CCNJL: variants seen among roughly 807,000 people sequenced by gnomAD.
CCNJL encodes the protein cyclin-J-like protein.
Under a neutral mutation model 33.4 loss-of-function variants are expected in CCNJL, and 33 were observed. The observed-to-expected ratio is 0.99, with a 90% CI of 0.75 to 1.32. The LOEUF (loss-of-function observed/expected upper bound fraction) is 1.32. Ranked by LOEUF, CCNJL falls within the 40% of genes most tolerant of loss-of-function variation. The pLI is 0.00. For missense variants in CCNJL, 512 were observed against 499.7 expected (o/e 1.02, Z -0.23); for synonymous variants, 227 against 220.9 (o/e 1.03, Z -0.24).
chr5:160,280,398 C>T (rs560054250), intron 3 of CCNJL, 127 bp downstream of exon 3: 110 of 750,898 alleles, frequency 1.5e-4, no homozygotes, highest in Non-Finnish European at 2.4e-4. Flanking sequence ...CTAAAAAACG[C>T]TCAGTGAAGG....
chr5:160,289,916 C>T (rs889709592), intron 2 of CCNJL, among the ~76,000 whole-genome samples: 2 of 152,176 alleles, frequency 1.3e-5, no homozygotes, highest in African/African-American at 4.8e-5. Flanking sequence ...CACTCAAGAC[C>T]CTGGGCCCAC....
At chr5:160,316,662 G>T (rs185902403), upstream of CCNJL, among the ~76,000 whole-genome samples, 16 of 152,314 alleles carry the variant, frequency 1.1e-4, no homozygotes, top group Non-Finnish European at 1.5e-4. Flanking sequence ...GCATTCACCA[G>T]TGTAGACATT....
At chr5:160,292,317 T>C (rs1240134279) in intron 2 of CCNJL, among the ~76,000 whole-genome samples, 1 of 152,202 alleles carries the variant, frequency 6.6e-6, no homozygotes, top group Non-Finnish European at 1.5e-5. Context: ...CAGATAGATA[T>C]ACATTAAAAA....
chr5:160,312,634 C>T (rs1271317991), upstream of CCNJL: 2 of 151,646 alleles, frequency 1.3e-5, no homozygotes, highest in East Asian at 1.9e-4. Flanking sequence ...CTGCCGGCGC[C>T]CCCGCGCCCC....
Position 160,252,192 on chromosome 5 carries a change from A to C in CCNJL, c.*1186T>G, listed in dbSNP as rs17057564. 0.015 allele frequency: 2,312 copies of C among 152,804 alleles called. 61 individuals are homozygous for C. Among genetic ancestry groups the C allele is most frequent in the East Asian group, 0.13 (659 of 5,190 alleles). The allele number at this position is 152,804 out of a possible 1,614,324, so 9.5% of individuals were successfully genotyped here. On this transcript the variant is annotated 3_prime_UTR_variant, in exon 6 of 6. Coordinates refer to ENST00000257536, the MANE Select transcript of CCNJL (RefSeq NM_001308173.3). ...GAATAAAAACATATTGCACATGGTTACAAGAGTCTTCCTGAGGGCCCTCTC... is the reference window on the plus strand; with the variant it reads ...GAATAAAAACATATTGCACATGGTTCCAAGAGTCTTCCTGAGGGCCCTCTC...
At chr5:160,301,187 G>C (rs1010447112) in intron 2 of CCNJL, among the ~76,000 whole-genome samples, 1 of 152,070 alleles carries the variant, frequency 6.6e-6, no homozygotes, top group African/African-American at 2.4e-5. Context: ...GACATAAAAC[G>C]GAATACTAAT....
intron 1 of CCNJL, among the ~76,000 whole-genome samples, chr5:160,318,261 C>T (rs1487539365): frequency 2.0e-5 from 3 of 152,174 alleles, no homozygotes; most frequent in African/African-American, 7.2e-5. Context: ...AGGTGATCTA[C>T]CCACCTTGGC....
At chr5:160,321,012 CTCTTTCTTTCTT>C (rs59309263) in intron 1 of CCNJL, among the ~76,000 whole-genome samples, 3,493 of 71,208 alleles carry the variant, frequency 0.049, 99 homozygotes, top group Admixed American at 0.069. Flanking sequence ...CTCTCTCTCT[CTCTTTCTTTCTT>C]TCTTTCTTTC....
chr5:160,290,989 G>A (rs1051931005), intron 2 of CCNJL, among the ~76,000 whole-genome samples: 29 of 136,654 alleles, frequency 2.1e-4, no homozygotes, highest in Middle Eastern at 4.0e-3. Flanking sequence ...CAGGAGGATC[G>A]CTTGATGAGA....
rs373643229 is a variant in CCNJL, at chr5:160,303,507, G to T, written c.66+8351C>A. 2.8e-3 allele frequency among the ~76,000 whole-genome samples: 417 copies of T among 146,706 alleles called. 2 individuals are homozygous for T. Among genetic ancestry groups the T allele is most frequent in the African/African-American group, 0.01 (403 of 39,790 alleles). ...AGGCGTAAGCCACTGCACTCGGCCG[G>T]TATTTTCCATTTTTACAAAAAAAAA... On this transcript the variant is annotated intron_variant, in intron 2 of 5. Coordinates refer to ENST00000257536, the MANE Select transcript of CCNJL (RefSeq NM_001308173.3).
At chr5:160,322,963 G>A (rs1026445369) in intron 1 of CCNJL, among the ~76,000 whole-genome samples, 44 of 149,250 alleles carry the variant, frequency 2.9e-4, no homozygotes, top group African/African-American at 9.4e-4. Flanking sequence ...GGCCAGGCGC[G>A]GTGGCTCACG....
chr5:160,305,352 G>A (rs1763059405), intron 2 of CCNJL, among the ~76,000 whole-genome samples: 2 of 152,194 alleles, frequency 1.3e-5, no homozygotes, highest in African/African-American at 2.4e-5. Flanking sequence ...GGGCCCTGAG[G>A]TGTCCTTTTC....
chr5:160,330,550 G>A (rs957611337), intron 1 of CCNJL, among the ~76,000 whole-genome samples: 2 of 152,098 alleles, frequency 1.3e-5, no homozygotes, highest in African/African-American at 4.8e-5. Flanking sequence ...AAACCTTCAG[G>A]CTTTAAACCT....
chr5:160,291,801 C>T (rs762090861), intron 2 of CCNJL, among the ~76,000 whole-genome samples: 38 of 152,202 alleles, frequency 2.5e-4, no homozygotes, highest in African/African-American at 8.0e-4. Flanking sequence ...TTACAAAAAG[C>T]GCATGGCAGC....
upstream of CCNJL, among the ~76,000 whole-genome samples, chr5:160,313,474 A>C (rs955009106): frequency 6.6e-6 from 1 of 152,316 alleles, no homozygotes; most frequent in South Asian, 2.1e-4. Context: ...TTAAGTGAAC[A>C]CTCAGTAAAC....
chr5:160,333,272 G>A (rs1325031160), intron 1 of CCNJL, among the ~76,000 whole-genome samples: 2 of 151,780 alleles, frequency 1.3e-5, no homozygotes, highest in Admixed American at 6.6e-5. Context: ...ACAGGCACCC[G>A]CCACCACGCC....
chr5:160,317,642 G>C (rs187660691), upstream of CCNJL, among the ~76,000 whole-genome samples: 23 of 152,308 alleles, frequency 1.5e-4, no homozygotes, highest in East Asian at 3.9e-3. Context: ...GGCATGGGGT[G>C]GGGGGAGTAC....
At position 160,251,956 on chromosome 5, in the gene CCNJL, T is replaced by A. The variant is rs987040857; in HGVS notation, c.*1422A>T. Reference sequence around the variant, plus strand: ...TCTGGAAAGATTCACCACCTTCCGATCTGACTCAGCAGCAGACAGCTGCCT... The same window carrying A: ...TCTGGAAAGATTCACCACCTTCCGAACTGACTCAGCAGCAGACAGCTGCCT... On this transcript the variant is annotated 3_prime_UTR_variant, in exon 6 of 6. Coordinates refer to ENST00000257536, the MANE Select transcript of CCNJL (RefSeq NM_001308173.3). The A allele has an allele frequency of 6.6e-6, 1 of 152,236 alleles. No individual in the cohort carries two copies. Among genetic ancestry groups the A allele is most frequent in the Admixed American group, 6.5e-5 (1 of 15,280 alleles). The allele number at this position is 152,236 out of a possible 1,614,324, so 9.4% of individuals were successfully genotyped here. A position where few individuals can be genotyped will look rare whatever the true frequency, so the allele number is the denominator to read the frequency against.
chr5:160,280,377 A>C, intron 3 of CCNJL, 148 bp downstream of exon 3: 7 of 668,630 alleles, frequency 1.0e-5, no homozygotes, highest in Non-Finnish European at 1.8e-5. Flanking sequence ...TTGCATCTAA[A>C]AATGTTGATG....
Sources: allele counts gnomAD v4.1 joint callset (sites outside exome capture counted in the v4.1 genomes callset), GRCh38; gene constraint gnomAD v4.1.1; transcripts MANE v1.5; gene names NCBI Gene and HGNC (gene_info 2026-07-23, HGNC 2026-07-21).